The following GRIK1 variants were observed in gnomAD, a reference collection of about 807,000 sequenced individuals.
GRIK1 encodes the protein glutamate receptor ionotropic, kainate 1.
Under a neutral mutation model 105.7 loss-of-function variants are expected in GRIK1, and 69 were observed. The observed-to-expected ratio is 0.65, with a 90% CI of 0.54 to 0.80. The LOEUF (loss-of-function observed/expected upper bound fraction) is 0.80. Ranked by LOEUF, GRIK1 falls within the 30% of genes least tolerant of loss-of-function variation. GRIK1 has a pLI of 0.00. For synonymous variants in GRIK1, 438 were observed against 431.3 expected (o/e 1.02, Z -0.19); for missense variants, 1,109 against 1,167.3 (o/e 0.95, Z 0.73).
chr21:29,757,395 T>C (rs1176504120), intron 1 of GRIK1, among the ~76,000 whole-genome samples: 3 of 152,346 alleles, frequency 2.0e-5, no homozygotes, highest in Non-Finnish European at 4.4e-5. Context: ...AATATTATAA[T>C]GGCCAACCTC....
intron 7 of GRIK1, among the ~76,000 whole-genome samples, chr21:29,608,548 GTTTTA>G (rs981179201): frequency 6.6e-6 from 1 of 152,010 alleles, no homozygotes; most frequent in East Asian, 1.9e-4. Context: ...TAACACTATA[GTTTTA>G]TTTTCTCTCT....
At chr21:29,664,402 T>C (rs1018117424) in intron 4 of GRIK1, among the ~76,000 whole-genome samples, 30 of 152,216 alleles carry the variant, frequency 2.0e-4, no homozygotes, top group Non-Finnish European at 3.5e-4. Context: ...GGTGCTGAGC[T>C]TAATGCCTTA....
Position 29,766,575 on chromosome 21 carries a change from A to G in GRIK1, c.119-72512T>C, listed in dbSNP as rs565762992. ...TTTTGGATTTTATTCCACAGACAAAATCAAAACCAGCATTGTTGCATCCAT... is the reference window on the plus strand; with the variant it reads ...TTTTGGATTTTATTCCACAGACAAAGTCAAAACCAGCATTGTTGCATCCAT... On this transcript the variant is annotated intron_variant, in intron 1 of 17. Coordinates refer to ENST00000327783, the MANE Select transcript of GRIK1 (RefSeq NM_001330994.2). Among the ~76,000 whole-genome samples, 140 of 152,328 alleles carry G rather than the reference A, an allele frequency of 9.2e-4. 1 individual carries two copies. Among genetic ancestry groups the G allele is most frequent in the African/African-American group, 3.0e-3 (126 of 41,588 alleles).
Position 29,643,298 on chromosome 21 carries a change from C to T in GRIK1, c.955-329G>A, listed in dbSNP as rs575421345. On this transcript the variant is annotated intron_variant, in intron 6 of 17. Coordinates refer to ENST00000327783, the MANE Select transcript of GRIK1 (RefSeq NM_001330994.2). Reference sequence around the variant, plus strand: ...TTAAGCATGGTGTTAAGATCAACTACCTTGAGCTAGAAGCTACTAAAGCTC... The same window carrying T: ...TTAAGCATGGTGTTAAGATCAACTATCTTGAGCTAGAAGCTACTAAAGCTC... 1.8e-4 allele frequency among the ~76,000 whole-genome samples: 28 copies of T among 152,322 alleles called. No homozygotes were observed. In the South Asian group the frequency reaches 5.6e-3, roughly 30 times the overall value.
At chr21:29,555,396 C>T (rs760385940) in intron 15 of GRIK1, 94 bp from the exon 16 acceptor site, 66 of 1,225,554 alleles carry the variant, frequency 5.4e-5, no homozygotes, top group Middle Eastern at 5.5e-4. Context: ...AACTATGTTA[C>T]GGCTGTTGTG....
chr21:29,596,604 A>G (rs748345362), intron 8 of GRIK1, 34 bp from the exon 9 acceptor site: 3 of 1,513,330 alleles, frequency 2.0e-6, no homozygotes, highest in Non-Finnish European at 2.8e-6. Flanking sequence ...AAATAAAAAC[A>G]GCACTTAATT....
chr21:29,927,893 C>T (rs1017355918), intron 1 of GRIK1, among the ~76,000 whole-genome samples: 1 of 151,940 alleles, frequency 6.6e-6, no homozygotes, highest in African/African-American at 2.4e-5. Context: ...AACAAACAAA[C>T]AAACAAAAAT....
rs531584697 is a variant in GRIK1, at chr21:29,724,316, T to C, written c.119-30253A>G. ...AGACCTACATCACTGGCCCTTCCTA[T>C]GTTGTAGGCGAGAGTTAGGTCAGGT... On this transcript the variant is annotated intron_variant, in intron 1 of 17. Coordinates refer to ENST00000327783, the MANE Select transcript of GRIK1 (RefSeq NM_001330994.2). 1.1e-3 allele frequency among the ~76,000 whole-genome samples: 170 copies of C among 151,688 alleles called. 1 individual carries two copies. The highest frequency in any genetic ancestry group is 3.9e-3 in the African/African-American group (162 of 41,432).
At chr21:29,592,425 T>C (rs1052195079) in intron 9 of GRIK1, among the ~76,000 whole-genome samples, 7 of 152,198 alleles carry the variant, frequency 4.6e-5, no homozygotes, top group African/African-American at 1.7e-4. Flanking sequence ...TCCTGGGTTG[T>C]GAGGTGGTGT....
At chr21:29,577,239 G>A (rs1433099106) in intron 13 of GRIK1, 58 bp from the exon 14 acceptor site, 4 of 960,334 alleles carry the variant, frequency 4.2e-6, no homozygotes, top group South Asian at 4.0e-5. Context: ...AAGGGAAGAT[G>A]TACAGTTCGA....
chr21:29,895,510 A>G (rs1027652263), intron 1 of GRIK1, among the ~76,000 whole-genome samples: 8 of 152,222 alleles, frequency 5.3e-5, no homozygotes, highest in African/African-American at 1.9e-4. Flanking sequence ...ATCAAAAGGG[A>G]TATTTTTCTT....
At chr21:29,787,201 G>A (rs952726567) in intron 1 of GRIK1, among the ~76,000 whole-genome samples, 5 of 152,152 alleles carry the variant, frequency 3.3e-5, no homozygotes, top group Non-Finnish European at 1.5e-5. Flanking sequence ...AACATGACAG[G>A]TGCATTTATT....
chr21:29,645,702 G>A (rs78703504), intron 6 of GRIK1, among the ~76,000 whole-genome samples: 1 of 152,080 alleles, frequency 6.6e-6, no homozygotes, highest in Non-Finnish European at 1.5e-5. Flanking sequence ...TTGTGCTCGA[G>A]GCCTGCTTAC....
At chr21:29,690,899 A>G (rs575264455) in intron 2 of GRIK1, among the ~76,000 whole-genome samples, 83 of 152,324 alleles carry the variant, frequency 5.4e-4, no homozygotes, top group Non-Finnish European at 1.0e-3. Context: ...ACAGTTTGAC[A>G]TATTACTTTC....
At chr21:29,876,142 G>GTGTGTCTT (rs879260022) in intron 1 of GRIK1, among the ~76,000 whole-genome samples, 17 of 151,884 alleles carry the variant, frequency 1.1e-4, no homozygotes, top group Non-Finnish European at 2.2e-4. Context: ...GTGTGTGTGT[G>GTGTGTCTT]TCTTTCCTGG....
chr21:29,838,209 T>C (rs1379507663), intron 1 of GRIK1, among the ~76,000 whole-genome samples: 1 of 152,068 alleles, frequency 6.6e-6, no homozygotes, highest in Non-Finnish European at 1.5e-5. Context: ...GAATATAGTA[T>C]CATAGAAGCC....
intron 1 of GRIK1, among the ~76,000 whole-genome samples, chr21:29,853,776 C>T (rs1313097316): frequency 6.6e-6 from 1 of 152,116 alleles, no homozygotes; most frequent in Non-Finnish European, 1.5e-5. Flanking sequence ...AGACCAAAAC[C>T]CCTGCTTTCC....
chr21:29,710,757 C>T (rs903848470), intron 1 of GRIK1, among the ~76,000 whole-genome samples: 1 of 147,634 alleles, frequency 6.8e-6, no homozygotes, highest in African/African-American at 2.5e-5. Flanking sequence ...TTGCCTTTCC[C>T]TCCCTCCGTC....
chr21:29,544,742 A>G (rs970013905), intron 16 of GRIK1, among the ~76,000 whole-genome samples: 4 of 152,232 alleles, frequency 2.6e-5, no homozygotes, highest in South Asian at 2.1e-4. Context: ...GACATTAAAT[A>G]TCAAGCTTAG....
Sources: allele counts gnomAD v4.1 joint callset (sites outside exome capture counted in the v4.1 genomes callset), GRCh38; gene constraint gnomAD v4.1.1; transcripts MANE v1.5; gene names NCBI Gene and HGNC (gene_info 2026-07-23, HGNC 2026-07-21).